The following DLEC1 variants were observed in gnomAD, a reference collection of about 807,000 sequenced individuals.
DLEC1 encodes the protein deleted in lung and esophageal cancer protein 1.
In DLEC1, 146 loss-of-function variants were observed where a neutral mutation model predicts 198.1. The observed-to-expected ratio is 0.74, with a 90% CI of 0.64 to 0.85. The LOEUF is 0.85. DLEC1 is among the 40% of genes least tolerant of loss of function. The pLI is 0.00. For synonymous variants in DLEC1, 897 were observed against 866.8 expected, an observed-to-expected ratio of 1.03 and a Z score of -0.61; for missense variants, 2,233 against 2,220.0, an observed-to-expected ratio of 1.01 and a Z score of -0.12.
Position 38,114,454 on chromosome 3 carries a change from C to T in DLEC1, c.3779C>T (p.Ala1260Val). The change falls in exon 26 of 37, where the codon GCC becomes GTC. Residue 1260 changes from alanine (A) to valine (V), a missense_variant. By Grantham distance (64) the Ala-to-Val change is moderately conservative. Transcript: ENST00000308059. Reference sequence around the variant, plus strand: ...ATTGACCAGGCCCAGAAGGAACCAGCCATGAGGTGCTCCATGCTCAGCCTG... The same window carrying T: ...ATTGACCAGGCCCAGAAGGAACCAGTCATGAGGTGCTCCATGCTCAGCCTG... ...YTIDQAQKEP[A>V]MRFGTQVSGG... is the part of the protein sequence containing the mutation. 6.2e-7 allele frequency: 1 copy of T among 1,614,032 alleles called. No homozygotes were observed. The highest frequency in any genetic ancestry group is 8.5e-7 in the Non-Finnish European group (1 of 1,179,886).
Position 38,117,984 on chromosome 3 carries a change from C to T in DLEC1, c.4664C>T (p.Ala1555Val), listed in dbSNP as rs200651210. The T allele has an allele frequency of 9.0e-4, 1,447 of 1,612,828 alleles. No individual in the cohort carries two copies. Among genetic ancestry groups the T allele is most frequent in the Middle Eastern group, 1.5e-3 (9 of 5,872 alleles). The change falls in exon 33 of 37, where the codon GCG becomes GTG. Residue 1555 changes from alanine (A) to valine (V), a missense_variant. Physicochemically the swap from Ala to Val is moderately conservative, Grantham distance 64. Coordinates refer to ENST00000308059, the MANE Select transcript of DLEC1 (RefSeq NM_007335.4). The stretch of plus-strand genomic sequence containing the variant: ...GAGTGTGAGGAGGAGACAGCCTCAG[C>T]GGACAAGCAGCTGGTGCTCCAAGCA... ...KQECEEETAS[A>V]DKQLVLQAQE...
chr3:38,088,298 C>T lies in DLEC1; in HGVS notation c.1575C>T (p.Ala525=), dbSNP rs777560963. 3.1e-6 allele frequency: 5 copies of T among 1,613,824 alleles called. No homozygotes were observed. The Admixed American group carries it at 8.3e-5, about 27-fold the overall frequency. Residue 525 remains alanine, a splice_region_variant and synonymous_variant, in exon 10 of 37, where the codon GCC becomes GCT. Coordinates refer to ENST00000308059, the MANE Select transcript of DLEC1 (RefSeq NM_007335.4). ...TGGGTAATCTGCTTTTCTTTAAGGC[C>T]ATTGCAACCGTCGGCTTTGTTGAAC... is the stretch of plus-strand genomic sequence containing the variant. ...KTSWPPLSFK[A]IATVGFVEQP...
chr3:38,115,634 A>T (rs1559463212), intron 27 of DLEC1, among the ~76,000 whole-genome samples: 1 of 152,042 alleles, frequency 6.6e-6, no homozygotes, highest in Non-Finnish European at 1.5e-5. Flanking sequence ...CCTGCCCCTG[A>T]GGAGAGCTGC....
At chr3:38,113,756 C>T (rs930908996) in intron 25 of DLEC1, among the ~76,000 whole-genome samples, 3 of 152,130 alleles carry the variant, frequency 2.0e-5, no homozygotes, top group Non-Finnish European at 2.9e-5. Context: ...GCATGTGCAG[C>T]ATGCTCCCCA....
rs551422700 is a variant in DLEC1, at chr3:38,115,205, C to T, written c.3856+152C>T. 16 of 723,960 alleles carry T rather than the reference C, an allele frequency of 2.2e-5. No homozygotes were observed. The South Asian group carries it at 2.4e-4, about 11-fold the overall frequency. The allele number at this position is 723,960 out of a possible 1,614,324, so 44.8% of individuals were successfully genotyped here. A position where few individuals can be genotyped will look rare whatever the true frequency, so the allele number is the denominator to read the frequency against. On this transcript the variant is annotated intron_variant, in intron 27 of 36. Coordinates refer to ENST00000308059, the MANE Select transcript of DLEC1 (RefSeq NM_007335.4). ...GTGGTTACGGAAGTGTGGATGGGCC[C>T]ACAGATGCCCTGCTCTCATCAGGGT...
chr3:38,052,035 C>G (rs1575387949), intron 2 of DLEC1: 1 of 201,916 alleles, frequency 5.0e-6, no homozygotes. Flanking sequence ...ATTGTGGCAG[C>G]CAAGTTCCAC....
intron 2 of DLEC1, among the ~76,000 whole-genome samples, chr3:38,045,909 G>C (rs546133299): frequency 6.6e-6 from 1 of 152,286 alleles, no homozygotes; most frequent in South Asian, 2.1e-4. Context: ...TACATAACCA[G>C]CATATAACCC....
intron 18 of DLEC1, among the ~76,000 whole-genome samples, chr3:38,099,417 A>G (rs1028281690): frequency 2.0e-5 from 3 of 152,202 alleles, no homozygotes. Flanking sequence ...TGCCAATGTT[A>G]TAGTATTGTA....
chr3:38,085,307 C>T lies in DLEC1; in HGVS notation c.1295C>T (p.Pro432Leu), dbSNP rs769844590. 22 of 1,614,018 alleles carry T rather than the reference C, an allele frequency of 1.4e-5. No individual in the cohort carries two copies. Among genetic ancestry groups the T allele is most frequent in the Middle Eastern group, 3.3e-4 (2 of 6,084 alleles). The stretch of plus-strand genomic sequence containing the variant: ...CCAGGAAAAGGTGGAATGGTGGCTC[C>T]TGGAATGACCTGCCAGTACATTGTC... ...MFPGKGGMVA[P>L]GMTCQYIVQF... Residue 432 changes from proline to leucine, a missense_variant, in exon 8 of 37, where the codon CCT (proline) becomes CTT (leucine). Transcript: ENST00000308059.
At chr3:38,109,361 G>A (rs1387495251) in intron 21 of DLEC1, 71 bp from the exon 22 acceptor site, 8 of 1,591,146 alleles carry the variant, frequency 5.0e-6, no homozygotes, top group Non-Finnish European at 6.8e-6. Flanking sequence ...CCCCTGTGCT[G>A]CGGAAGACCA....
At chr3:38,087,553 CACACCATCCATCAGCACTG>C (rs1698530911) in intron 9 of DLEC1, among the ~76,000 whole-genome samples, 1 of 130,836 alleles carries the variant, frequency 7.6e-6, no homozygotes, top group East Asian at 2.2e-4. Context: ...TCAGCATGCT[CACACCATCCATCAGCACTG>C]ACACCATCCA....
chr3:38,111,822 C>A, intron 24 of DLEC1, 75 bp downstream of exon 24: 1 of 1,523,532 alleles, frequency 6.6e-7, no homozygotes, highest in Non-Finnish European at 8.8e-7. Flanking sequence ...TGTGGGCTGG[C>A]AGCTGCCAGG....
At chr3:38,080,606 G>C (rs1169356934) in intron 6 of DLEC1, among the ~76,000 whole-genome samples, 2 of 152,042 alleles carry the variant, frequency 1.3e-5, no homozygotes, top group Non-Finnish European at 2.9e-5. Context: ...GTTTGTATTG[G>C]GGCCAAGCGG....
chr3:38,114,104 G>A (rs1309139327), intron 25 of DLEC1, among the ~76,000 whole-genome samples: 1 of 117,310 alleles, frequency 8.5e-6, no homozygotes, highest in Non-Finnish European at 1.7e-5. Context: ...AAGACCCTGT[G>A]TCTACTAAAA....
chr3:38,069,566 T>C (rs1697208651), intron 6 of DLEC1, among the ~76,000 whole-genome samples: 1 of 151,976 alleles, frequency 6.6e-6, no homozygotes, highest in African/African-American at 2.4e-5. Context: ...AGGCCTTGAG[T>C]TGGCAGTTGG....
At position 38,107,609 on chromosome 3, in the gene DLEC1, C is replaced by G; in HGVS notation, c.2890C>G (p.Gln964Glu). Residue 964 changes from glutamine to glutamate, a missense_variant, in exon 20 of 37, where the codon CAG becomes GAG. Coordinates refer to ENST00000308059, the MANE Select transcript of DLEC1 (RefSeq NM_007335.4). ...WSYLPVYAEV[Q>E]KPHVYLQSSQ... is the part of the protein sequence containing the mutation. ...CTACCTTCCTGTGTATGCTGAGGTA[C>G]AGAAGCCCCATGTGTACCTACAGAG... The G allele has an allele frequency of 6.2e-7, 1 of 1,612,794 alleles. No homozygotes were observed. Among genetic ancestry groups the G allele is most frequent in the South Asian group, 1.1e-5 (1 of 90,862 alleles).
chr3:38,084,613 A>AGTAGTAGTGGTGGTAGTAGTGGTG (rs1365059954), intron 7 of DLEC1, among the ~76,000 whole-genome samples: 2 of 22,580 alleles, frequency 8.9e-5, no homozygotes, highest in African/African-American at 3.7e-4. Flanking sequence ...CAGTAGCAGT[A>AGTAGTAGTGGTGGTAGTAGTGGTG]GCAGTACTGC....
At position 38,084,243 on chromosome 3, in the gene DLEC1, T is replaced by A; in HGVS notation, c.1259T>A (p.Leu420Gln). The change falls in exon 7 of 37, where the codon CTG becomes CAG. Residue 420 changes from leucine to glutamine, a missense_variant and splice_region_variant. Leu to Gln is a moderately radical substitution (Grantham distance 113, BLOSUM62 -2). Coordinates refer to ENST00000308059, the MANE Select transcript of DLEC1 (RefSeq NM_007335.4). ...TCCACGCCATACTTCGCTCTGGGAC[T>A]GGGTAAGTTCAGTATTTGTAAGTTC... ...PPSTPYFALGLGMFPGKGGMV... is the reference protein window; with the variant it reads ...PPSTPYFALGQGMFPGKGGMV... The A allele has an allele frequency of 6.2e-7, 1 of 1,611,916 alleles. No homozygotes were observed. The highest frequency in any genetic ancestry group is 8.5e-7 in the Non-Finnish European group (1 of 1,178,744).
rs147993162 is a variant in DLEC1, at chr3:38,043,424, T to C, written c.412-2119T>C. ...GTCAGAGATTGTCAGCAGACCCAAA[T>C]AGTAAGACACATAACACAGAACATA... On this transcript the variant is annotated intron_variant, in intron 1 of 36. Coordinates refer to ENST00000308059, the MANE Select transcript of DLEC1 (RefSeq NM_007335.4). Among the ~76,000 whole-genome samples the C allele has an allele frequency of 3.3e-3, 502 of 152,314 alleles. 2 individuals are homozygous for C. Among genetic ancestry groups the C allele is most frequent in the African/African-American group, 0.011 (478 of 41,576 alleles).
Sources: gnomAD v4.1 joint callset for allele counts (sites outside exome capture counted in the v4.1 genomes callset) on GRCh38, gnomAD v4.1.1 for gene constraint, MANE v1.5 for transcripts, NCBI Gene and HGNC (gene_info 2026-07-23, HGNC 2026-07-21) for gene names.